TRPS1: variants seen among roughly 807,000 people sequenced by gnomAD.
The protein encoded by TRPS1 is zinc finger transcription factor Trps1.
TRPS1 carries 6 observed loss-of-function variants against 101.2 expected under a neutral mutation model. The observed-to-expected ratio is 0.06, with a 90% CI of 0.03 to 0.12. The LOEUF (loss-of-function observed/expected upper bound fraction) is 0.12. TRPS1 is among the 10% of genes least tolerant of loss of function. The pLI is 1.00. For missense variants in TRPS1, 1,363 were observed against 1,567.0 expected (o/e 0.87, Z 2.20); for synonymous variants, 578 against 589.8 (o/e 0.98, Z 0.29).
At chr8:115,438,777 T>C (rs1813518795) in intron 5 of TRPS1, among the ~76,000 whole-genome samples, 1 of 152,082 alleles carries the variant, frequency 6.6e-6, no homozygotes, top group Admixed American at 6.6e-5. Context: ...CTTGTTCCAT[T>C]CCCCTTTTCT....
chr8:115,547,183 G>A (rs899289054), intron 5 of TRPS1, among the ~76,000 whole-genome samples: 1 of 152,094 alleles, frequency 6.6e-6, no homozygotes, highest in Non-Finnish European at 1.5e-5. Flanking sequence ...ATTAAAAGAT[G>A]CTTTTATTAC....
chr8:115,608,863 A>T (rs1398393414), intron 3 of TRPS1, among the ~76,000 whole-genome samples: 4 of 151,674 alleles, frequency 2.6e-5, no homozygotes, highest in Non-Finnish European at 5.9e-5. Context: ...TTTCTTTTTT[A>T]GAGGCAGGGT....
At chr8:115,480,627 G>A (rs373752575) in intron 5 of TRPS1, among the ~76,000 whole-genome samples, 4 of 152,038 alleles carry the variant, frequency 2.6e-5, no homozygotes, top group Admixed American at 6.5e-5. Flanking sequence ...GTAACCTCTC[G>A]AAAAATGCAT....
Position 115,413,082 on chromosome 8 carries a change from C to T in TRPS1, c.*941G>A, listed in dbSNP as rs1812826715. The T allele has an allele frequency of 1.3e-5, 2 of 152,236 alleles. No individual in the cohort carries two copies. The highest frequency in any genetic ancestry group is 2.4e-5 in the African/African-American group (1 of 41,408). The allele number at this position is 152,236 out of a possible 1,614,324, so 9.4% of individuals were successfully genotyped here. A position where few individuals can be genotyped will look rare whatever the true frequency, so the allele number is the denominator to read the frequency against. On this transcript the variant is annotated 3_prime_UTR_variant, in exon 7 of 7. Coordinates refer to ENST00000395715, the MANE Select transcript of TRPS1 (RefSeq NM_014112.5). ...ATGTGTTCTAAACAAATTAAACCCA[C>T]GGTCTGACATTTGTATCCATCTATG...
chr8:115,641,678 G>C (rs955975134), intron 1 of TRPS1, among the ~76,000 whole-genome samples: 4 of 152,118 alleles, frequency 2.6e-5, no homozygotes, highest in African/African-American at 9.7e-5. Flanking sequence ...TCAGGAGTTC[G>C]AGATCACCCT....
intron 2 of TRPS1, among the ~76,000 whole-genome samples, chr8:115,622,930 T>C (rs1189523620): frequency 6.6e-6 from 1 of 152,114 alleles, no homozygotes; most frequent in Non-Finnish European, 1.5e-5. Context: ...AGTGAATAGA[T>C]CTAAATACAT....
intron 4 of TRPS1, among the ~76,000 whole-genome samples, chr8:115,596,532 G>A (rs1213824490): frequency 3.3e-5 from 5 of 151,842 alleles, no homozygotes; most frequent in East Asian, 1.9e-4. Context: ...TAACTGAATC[G>A]AGATCTATGC....
chr8:115,437,584 C>T (rs1319813131), intron 5 of TRPS1, among the ~76,000 whole-genome samples: 5 of 152,142 alleles, frequency 3.3e-5, no homozygotes, highest in Non-Finnish European at 7.4e-5. Flanking sequence ...TTGGCACATA[C>T]GTCAAAAAAT....
chr8:115,651,816 C>T (rs981857741), intron 1 of TRPS1, among the ~76,000 whole-genome samples: 1 of 152,066 alleles, frequency 6.6e-6, no homozygotes, highest in African/African-American at 2.4e-5. Flanking sequence ...GAACAAAAGT[C>T]GGTGTGAGAA....
In TRPS1 at chr8:115,503,301, C is replaced by A. The variant is rs12682259; in HGVS notation, c.2700+83700G>T. On this transcript the variant is annotated intron_variant, in intron 5 of 6. Coordinates refer to ENST00000395715, the MANE Select transcript of TRPS1 (RefSeq NM_014112.5). ...ATGATACTACTTAAAGATGCCACACCAATGTACGCGAATTACCATAAAATT... is the reference window on the plus strand; with the variant it reads ...ATGATACTACTTAAAGATGCCACACAAATGTACGCGAATTACCATAAAATT... 1.6e-3 allele frequency among the ~76,000 whole-genome samples: 238 copies of A among 149,752 alleles called. 2 individuals carry two copies. The East Asian group carries it at 0.025, about 16-fold the overall frequency.
chr8:115,667,954 C>T, intron 1 of TRPS1: 1 of 1,520,664 alleles, frequency 6.6e-7, no homozygotes, highest in Non-Finnish European at 8.8e-7. Context: ...GCGGCGGCGG[C>T]CCCTCGGGTC....
intron 1 of TRPS1, chr8:115,668,215 G>A: frequency 2.4e-6 from 1 of 425,174 alleles, no homozygotes. Flanking sequence ...AAGGAGGAGA[G>A]GAAGGGGGAA....
intron 5 of TRPS1, among the ~76,000 whole-genome samples, chr8:115,457,119 G>C (rs1478244978): frequency 6.6e-6 from 1 of 152,122 alleles, no homozygotes; most frequent in Non-Finnish European, 1.5e-5. Flanking sequence ...TATCCTATCA[G>C]AGCCACAACG....
chr8:115,576,718 G>A (rs1026382568), intron 5 of TRPS1, among the ~76,000 whole-genome samples: 2 of 152,086 alleles, frequency 1.3e-5, no homozygotes, highest in African/African-American at 2.4e-5. Context: ...GTTAAATGTG[G>A]AGCATACCTA....
At chr8:115,444,298 G>A (rs948171283) in intron 5 of TRPS1, among the ~76,000 whole-genome samples, 1 of 151,678 alleles carries the variant, frequency 6.6e-6, no homozygotes, top group Non-Finnish European at 1.5e-5. Flanking sequence ...ACATACAATA[G>A]AACAGGTGCT....
At chr8:115,463,943 C>G (rs1474106689) in intron 5 of TRPS1, among the ~76,000 whole-genome samples, 3 of 151,884 alleles carry the variant, frequency 2.0e-5, no homozygotes, top group African/African-American at 7.2e-5. Context: ...TTACATCCAT[C>G]TTCCTACAAA....
intron 1 of TRPS1, among the ~76,000 whole-genome samples, chr8:115,630,617 A>T (rs1188504676): frequency 6.6e-6 from 1 of 152,038 alleles, no homozygotes; most frequent in Admixed American, 6.6e-5. Flanking sequence ...TTCTAACCTG[A>T]ATTTCTAGCT....
chr8:115,559,240 A>T (rs1816893798), intron 5 of TRPS1, among the ~76,000 whole-genome samples: 1 of 152,112 alleles, frequency 6.6e-6, no homozygotes, highest in Admixed American at 6.6e-5. Context: ...GGCTGGTGTG[A>T]GCATTTCAAT....
chr8:115,557,592 C>T (rs1816851557), intron 5 of TRPS1, among the ~76,000 whole-genome samples: 5 of 152,150 alleles, frequency 3.3e-5, no homozygotes, highest in Admixed American at 3.3e-4. Flanking sequence ...ATTCTTCTCT[C>T]TCCTGCTGCC....
Sources: allele counts gnomAD v4.1 joint callset (sites outside exome capture counted in the v4.1 genomes callset), GRCh38; gene constraint gnomAD v4.1.1; transcripts MANE v1.5; gene names NCBI Gene and HGNC (gene_info 2026-07-23, HGNC 2026-07-21).